The following GRIN2A variants were observed in gnomAD, a reference collection of about 807,000 sequenced individuals.
GRIN2A encodes glutamate receptor ionotropic, NMDA 2A.
In GRIN2A, 22 loss-of-function variants were observed where a neutral mutation model predicts 113.4. That is an observed-to-expected ratio of 0.19 (90% CI 0.14 to 0.28). GRIN2A has a LOEUF of 0.28. GRIN2A is among the 10% of genes least tolerant of loss of function. GRIN2A has a pLI of 1.00. For missense variants in GRIN2A, 1,502 were observed against 1,887.0 expected, an observed-to-expected ratio of 0.80 and a Z score of 3.78; for synonymous variants, 827 against 738.4, an observed-to-expected ratio of 1.12 and a Z score of -1.94.
intron 2 of GRIN2A, among the ~76,000 whole-genome samples, chr16:9,957,920 G>T (rs925129468): frequency 6.6e-6 from 1 of 152,146 alleles, no homozygotes; most frequent in Non-Finnish European, 1.5e-5. Flanking sequence ...CTTGGCCACT[G>T]ATATGAAGGG....
intron 2 of GRIN2A, among the ~76,000 whole-genome samples, chr16:9,972,146 G>T (rs1003065785): frequency 1.3e-5 from 2 of 152,180 alleles, no homozygotes; most frequent in African/African-American, 4.8e-5. Flanking sequence ...TGAACAAAGG[G>T]TGAGTAGACA....
chr16:9,947,338 G>A (rs1454257784), intron 2 of GRIN2A, among the ~76,000 whole-genome samples: 1 of 152,174 alleles, frequency 6.6e-6, no homozygotes, highest in Non-Finnish European at 1.5e-5. Flanking sequence ...GACATGACAA[G>A]TTGCCACCAA....
At chr16:9,985,128 A>G (rs190667928) in intron 2 of GRIN2A, among the ~76,000 whole-genome samples, 5 of 152,156 alleles carry the variant, frequency 3.3e-5, no homozygotes, top group African/African-American at 1.2e-4. Flanking sequence ...GATGTGCCCA[A>G]CTCTCTAGGT....
intron 11 of GRIN2A, among the ~76,000 whole-genome samples, chr16:9,790,257 C>T (rs924416212): frequency 6.6e-6 from 1 of 152,178 alleles, no homozygotes; most frequent in Non-Finnish European, 1.5e-5. Flanking sequence ...AACAAAGGAC[C>T]ATCACTGGTT....
rs1248391122 is a variant in GRIN2A at position 9,755,087 on chromosome 16, T to C, written c.*8062A>G. 1 of 198,924 alleles carries C rather than the reference T, an allele frequency of 5.0e-6. No individual in the cohort carries two copies. Among genetic ancestry groups the C allele is most frequent in the African/African-American group, 2.3e-5 (1 of 43,370 alleles). The allele number at this position is 198,924 out of a possible 1,614,324, so 12.3% of individuals were successfully genotyped here. Reference sequence around the variant, plus strand: ...GTCATGACCCAGGGCTAATGAAGAATGTTCTAGGATTGCAAAAATGCAAAC... The same window carrying C: ...GTCATGACCCAGGGCTAATGAAGAACGTTCTAGGATTGCAAAAATGCAAAC... On this transcript the variant is annotated 3_prime_UTR_variant, in exon 13 of 13. Transcript: ENST00000330684.
intron 2 of GRIN2A, among the ~76,000 whole-genome samples, chr16:10,086,094 C>T (rs1049577603): frequency 1.3e-5 from 2 of 152,132 alleles, no homozygotes; most frequent in African/African-American, 4.8e-5. Flanking sequence ...AGTAGGCACT[C>T]AGAAAGTGTT....
In GRIN2A at chr16:9,836,745, G is replaced by T. The variant is rs185339095; in HGVS notation, c.1652-2515C>A. Among the ~76,000 whole-genome samples, 483 of 152,300 alleles carry T rather than the reference G, an allele frequency of 3.2e-3. 6 individuals carry two copies. The highest frequency in any genetic ancestry group is 0.011 in the African/African-American group (455 of 41,568). ...ACATGCTCCAGAACAAAGAAACATC[G>T]TTAAAGCAACATCTATAGTGTCTAA... is the stretch of plus-strand genomic sequence containing the variant. On this transcript the variant is annotated intron_variant, in intron 7 of 12. Transcript: ENST00000330684.
intron 2 of GRIN2A, among the ~76,000 whole-genome samples, chr16:10,100,248 G>A (rs375496697): frequency 2.0e-5 from 3 of 152,152 alleles, no homozygotes; most frequent in South Asian, 2.1e-4. Context: ...CCATGAAACC[G>A]TTTTCAGCAG....
chr16:9,963,875 G>A (rs1018157469), intron 2 of GRIN2A, among the ~76,000 whole-genome samples: 1 of 152,198 alleles, frequency 6.6e-6, no homozygotes, highest in Non-Finnish European at 1.5e-5. Flanking sequence ...GCATTTTAGA[G>A]CTATGTGCCA....
chr16:10,047,029 C>A (rs1857123510), intron 2 of GRIN2A, among the ~76,000 whole-genome samples: 1 of 152,158 alleles, frequency 6.6e-6, no homozygotes, highest in Admixed American at 6.5e-5. Context: ...CCTCCAGATG[C>A]CAGTAGTACT....
intron 2 of GRIN2A, among the ~76,000 whole-genome samples, chr16:10,054,639 T>A (rs2047414230): frequency 6.6e-6 from 1 of 152,206 alleles, no homozygotes; most frequent in African/African-American, 2.4e-5. Context: ...CATGGATAAG[T>A]AAAATTTTTA....
intron 2 of GRIN2A, among the ~76,000 whole-genome samples, chr16:9,972,232 G>T (rs754096750): frequency 6.6e-6 from 1 of 152,188 alleles, no homozygotes; most frequent in Non-Finnish European, 1.5e-5. Flanking sequence ...ATATGGAAAT[G>T]TAAGTATAAC....
intron 4 of GRIN2A, among the ~76,000 whole-genome samples, chr16:9,872,816 G>C (rs115785734): frequency 0.012 from 1,811 of 152,188 alleles, 30 homozygotes; most frequent in African/African-American, 0.041. Flanking sequence ...AATCACCTGA[G>C]CTCAGGAGTT....
intron 2 of GRIN2A, among the ~76,000 whole-genome samples, chr16:10,153,941 G>A (rs1201400562): frequency 6.6e-6 from 1 of 152,128 alleles, no homozygotes; most frequent in East Asian, 1.9e-4. Flanking sequence ...CTCCTCCCAC[G>A]TATTCACAAG....
intron 3 of GRIN2A, among the ~76,000 whole-genome samples, chr16:9,930,837 T>A (rs542432731): frequency 4.6e-5 from 7 of 152,350 alleles, no homozygotes; most frequent in African/African-American, 1.4e-4. Context: ...TATGTTATTT[T>A]AGAAATGAAG....
chr16:9,901,481 G>C (rs1254049956), intron 3 of GRIN2A, among the ~76,000 whole-genome samples: 1 of 152,070 alleles, frequency 6.6e-6, no homozygotes, highest in Admixed American at 6.6e-5. Flanking sequence ...ATATTTTTGA[G>C]ACACAGTCTT....
chr16:9,949,109 C>T (rs1300221831), intron 2 of GRIN2A, among the ~76,000 whole-genome samples: 1 of 152,206 alleles, frequency 6.6e-6, no homozygotes, highest in African/African-American at 2.4e-5. Context: ...TCCACCTCCA[C>T]GGTGCTCCCA....
chr16:9,829,727 G>T, intron 8 of GRIN2A, 75 bp from the exon 9 acceptor site: 1 of 946,330 alleles, frequency 1.1e-6, no homozygotes, highest in Non-Finnish European at 1.7e-6. Context: ...CCACGCAGCA[G>T]CCACCAGCAG....
intron 3 of GRIN2A, among the ~76,000 whole-genome samples, chr16:9,918,179 G>C (rs1179856710): frequency 6.6e-6 from 1 of 152,124 alleles, no homozygotes; most frequent in African/African-American, 2.4e-5. Context: ...TTAGTTGCTT[G>C]CTCAAAGTCT....
Sources: allele counts gnomAD v4.1 joint callset (sites outside exome capture counted in the v4.1 genomes callset), GRCh38; gene constraint gnomAD v4.1.1; transcripts MANE v1.5; gene names NCBI Gene and HGNC (gene_info 2026-07-23, HGNC 2026-07-21).